Variants in CDH12 observed in about 807,000 individuals in gnomAD.
The protein encoded by CDH12 is cadherin 12.
Under a neutral mutation model 74.1 loss-of-function variants are expected in CDH12, and 41 were observed. That is an observed-to-expected ratio of 0.55 (90% CI 0.43 to 0.72). The LOEUF is 0.72. Ranked by LOEUF, CDH12 falls within the 30% of genes least tolerant of loss-of-function variation. The pLI is 0.00. For synonymous variants in CDH12, 399 were observed against 355.0 expected (o/e 1.12, Z -1.39); for missense variants, 945 against 977.2 (o/e 0.97, Z 0.44).
At chr5:22,099,890 A>T (rs537641557) in intron 4 of CDH12, among the ~76,000 whole-genome samples, 1 of 152,104 alleles carries the variant, frequency 6.6e-6, no homozygotes, top group Non-Finnish European at 1.5e-5. Flanking sequence ...AACTGTATCC[A>T]GGCCATCACC....
intron 1 of CDH12, among the ~76,000 whole-genome samples, chr5:22,653,007 A>G (rs895018036): frequency 6.6e-6 from 1 of 152,214 alleles, no homozygotes; most frequent in Admixed American, 6.5e-5. Flanking sequence ...AAACACTTGT[A>G]ATATACTCAC....
chr5:22,029,532 T>G (rs2150171081), intron 5 of CDH12, among the ~76,000 whole-genome samples: 1 of 151,456 alleles, frequency 6.6e-6, no homozygotes, highest in Admixed American at 6.6e-5. Flanking sequence ...TCACTGGCCA[T>G]CAGAGAAATG....
intron 5 of CDH12, among the ~76,000 whole-genome samples, chr5:21,981,650 C>T (rs1023147729): frequency 6.6e-6 from 1 of 152,144 alleles, no homozygotes; most frequent in African/African-American, 2.4e-5. Context: ...CTGTATTATA[C>T]AGAATCTGTC....
At chr5:22,549,250 G>T (rs971270139) in intron 1 of CDH12, among the ~76,000 whole-genome samples, 8 of 151,730 alleles carry the variant, frequency 5.3e-5, no homozygotes, top group African/African-American at 1.9e-4. Flanking sequence ...TGAGATTATA[G>T]ACCTGAGCCA....
chr5:22,276,811 C>T (rs975251594), intron 3 of CDH12, among the ~76,000 whole-genome samples: 5 of 152,070 alleles, frequency 3.3e-5, no homozygotes, highest in African/African-American at 7.2e-5. Context: ...CTCAGCCTCC[C>T]GAGTAGCTGG....
intron 1 of CDH12, chr5:22,580,236 C>T: frequency 3.1e-6 from 1 of 320,198 alleles, no homozygotes; most frequent in Non-Finnish European, 6.3e-6. Flanking sequence ...AATCTTCTAA[C>T]ATCTCCAAGC....
chr5:22,254,444 A>G (rs1485619010), intron 3 of CDH12, among the ~76,000 whole-genome samples: 1 of 151,838 alleles, frequency 6.6e-6, no homozygotes, highest in East Asian at 1.9e-4. Context: ...ATGACCAAGA[A>G]AAACATCAAC....
chr5:22,633,293 T>A lies in CDH12; in HGVS notation c.-522-127929A>T, dbSNP rs185411401. Among the ~76,000 whole-genome samples, 47 of 152,228 alleles carry A rather than the reference T, an allele frequency of 3.1e-4. 1 individual carries two copies. The East Asian group carries it at 8.7e-3, about 28-fold the overall frequency. ...GTGAAGGCAAAGGTAATAACTCAGGTAAGGCAACTATAAAAGTTATATGAA... is the reference window on the plus strand; with the variant it reads ...GTGAAGGCAAAGGTAATAACTCAGGAAAGGCAACTATAAAAGTTATATGAA... On this transcript the variant is annotated intron_variant, in intron 1 of 14. Coordinates refer to ENST00000382254, the MANE Select transcript of CDH12 (RefSeq NM_004061.5).
At chr5:22,015,899 C>G (rs1400066001) in intron 5 of CDH12, among the ~76,000 whole-genome samples, 2 of 152,156 alleles carry the variant, frequency 1.3e-5, no homozygotes, top group Non-Finnish European at 2.9e-5. Flanking sequence ...ATAAGCATTA[C>G]ATGCCTATAA....
At chr5:22,746,790 G>C (rs1298708716) in intron 1 of CDH12, among the ~76,000 whole-genome samples, 1 of 152,024 alleles carries the variant, frequency 6.6e-6, no homozygotes, top group Non-Finnish European at 1.5e-5. Flanking sequence ...AAAATTCCAT[G>C]GTAAGCTTAA....
At chr5:22,340,644 A>T (rs192007937) in intron 3 of CDH12, among the ~76,000 whole-genome samples, 20 of 152,300 alleles carry the variant, frequency 1.3e-4, no homozygotes, top group Admixed American at 1.2e-3. Flanking sequence ...TCATTCACAA[A>T]TATTTAATAA....
At chr5:21,840,365 C>T (rs1749768898) in intron 8 of CDH12, among the ~76,000 whole-genome samples, 1 of 151,778 alleles carries the variant, frequency 6.6e-6, no homozygotes, top group Admixed American at 6.6e-5. Context: ...TATTGGCTCA[C>T]TATTTTTTAC....
rs144168803 is a variant in CDH12 at position 22,643,006 on chromosome 5, A to T, written c.-522-137642T>A. On this transcript the variant is annotated intron_variant, in intron 1 of 14. Coordinates refer to ENST00000382254, the MANE Select transcript of CDH12 (RefSeq NM_004061.5). Reference sequence around the variant, plus strand: ...CATAATTCCCAGAGGTAATAATGAAAAAAATAAATCACTTTACTTCACAAT... The same window carrying T: ...CATAATTCCCAGAGGTAATAATGAATAAAATAAATCACTTTACTTCACAAT... Among the ~76,000 whole-genome samples the T allele has an allele frequency of 1.6e-3, 251 of 152,284 alleles. 1 individual carries two copies. The highest frequency in any genetic ancestry group is 2.8e-3 in the Non-Finnish European group (192 of 67,998).
At chr5:22,114,604 G>A (rs911664947) in intron 4 of CDH12, among the ~76,000 whole-genome samples, 1 of 152,130 alleles carries the variant, frequency 6.6e-6, no homozygotes, top group Non-Finnish European at 1.5e-5. Context: ...TGCTGCACAT[G>A]TGTTATTTGT....
chr5:21,758,460 T>G (rs187102569), intron 13 of CDH12, among the ~76,000 whole-genome samples: 1 of 152,306 alleles, frequency 6.6e-6, no homozygotes, highest in East Asian at 1.9e-4. Context: ...ACCATCTCAA[T>G]ACAATTTGTT....
intron 1 of CDH12, among the ~76,000 whole-genome samples, chr5:22,599,408 A>C (rs534271646): frequency 6.6e-6 from 1 of 152,294 alleles, no homozygotes; most frequent in South Asian, 2.1e-4. Context: ...CTGGGCTTAA[A>C]TCTAGCCTAG....
At chr5:22,475,982 T>C (rs192885992) in intron 2 of CDH12, among the ~76,000 whole-genome samples, 26 of 152,214 alleles carry the variant, frequency 1.7e-4, no homozygotes, top group Admixed American at 6.5e-4. Flanking sequence ...ATCTAAATGC[T>C]AAATCCTCTG....
chr5:22,002,803 A>G, intron 5 of CDH12, among the ~76,000 whole-genome samples: 1 of 150,030 alleles, frequency 6.7e-6, no homozygotes, highest in East Asian at 1.9e-4. Context: ...AGCAATATGG[A>G]AAAAAAAATC....
intron 1 of CDH12, among the ~76,000 whole-genome samples, chr5:22,702,960 C>T (rs1283597505): frequency 1.3e-5 from 2 of 152,096 alleles, no homozygotes; most frequent in Non-Finnish European, 2.9e-5. Flanking sequence ...TCTCATTTCT[C>T]CTTCCCTGAT....
Sources: allele counts gnomAD v4.1 joint callset (sites outside exome capture counted in the v4.1 genomes callset), GRCh38; gene constraint gnomAD v4.1.1; transcripts MANE v1.5; gene names NCBI Gene and HGNC (gene_info 2026-07-23, HGNC 2026-07-21).